NLGN4X: variants seen among roughly 807,000 people sequenced by gnomAD.
NLGN4X encodes the protein neuroligin 4 X-linked.
In NLGN4X, 3 loss-of-function variants were observed where a neutral mutation model predicts 40.3. That is an observed-to-expected ratio of 0.07 (90% confidence interval 0.03 to 0.19). The LOEUF (loss-of-function observed/expected upper bound fraction) is 0.19, where lower values mean the gene tolerates loss of function less well. Among genes scored for constraint, NLGN4X ranks in the 10% least tolerant of loss-of-function variants. The pLI, the probability that NLGN4X is intolerant of heterozygous loss-of-function variation, is 1.00. For missense variants in NLGN4X, 382 were observed against 708.3 expected, an observed-to-expected ratio of 0.54 and a Z score of 5.23; for synonymous variants, 270 against 306.8, an observed-to-expected ratio of 0.88 and a Z score of 1.25.
chrX:6,160,538 T>C (rs2040363073), intron 1 of NLGN4X, among the ~76,000 whole-genome samples: 1 of 109,492 alleles, frequency 9.1e-6, no homozygotes, highest in Non-Finnish European at 1.9e-5. Context: ...AAAATAATTT[T>C]TTTTTTTTTT....
At chrX:5,905,854 G>T (rs1225203215) in intron 4 of NLGN4X, among the ~76,000 whole-genome samples, 1 of 111,162 alleles carries the variant, frequency 9.0e-6, no homozygotes, top group Non-Finnish European at 1.9e-5. Flanking sequence ...ACGGGGTTTC[G>T]CCATGTTGTT....
intron 1 of NLGN4X, among the ~76,000 whole-genome samples, chrX:6,223,382 C>G (rs779296004): frequency 1.8e-5 from 2 of 111,509 alleles, no homozygotes; most frequent in Non-Finnish European, 3.8e-5. Flanking sequence ...ACCTTCCACT[C>G]CCGTAATGAT....
chrX:5,963,075 G>A (rs747144355), intron 3 of NLGN4X, among the ~76,000 whole-genome samples: 1 of 109,753 alleles, frequency 9.1e-6, no homozygotes, highest in East Asian at 2.9e-4. Flanking sequence ...ATAAGTAGAA[G>A]CCAGAAAAGT....
chrX:6,082,956 CT>C (rs1184184483), intron 2 of NLGN4X, among the ~76,000 whole-genome samples: 275 of 45,955 alleles, frequency 6.0e-3, no homozygotes, highest in African/African-American at 0.019. Flanking sequence ...GCGTTTTTTT[CT>C]TTTTTTTTTT....
At chrX:5,994,200 G>T (rs1315416168) in intron 3 of NLGN4X, among the ~76,000 whole-genome samples, 1 of 111,985 alleles carries the variant, frequency 8.9e-6, no homozygotes, top group Non-Finnish European at 1.9e-5. Context: ...ATCCTTGAGT[G>T]GCCAGAATTC....
Position 6,204,510 on chromosome X carries a change from A to G in NLGN4X, c.-306+24031T>C, listed in dbSNP as rs759642897. Among the ~76,000 whole-genome samples the G allele has an allele frequency of 7.4e-4, 83 of 112,261 alleles. No individual in the cohort carries two copies. In the Admixed American group the frequency reaches 7.9e-3, roughly 11 times the overall value. On this transcript the variant is annotated intron_variant, in intron 1 of 5. Transcript: ENST00000381095. ...AGAGCACAACTGGATGACAAAAAGCAAATGATGAGACCCAGAGCTGTGGAT... is the reference window on the plus strand; with the variant it reads ...AGAGCACAACTGGATGACAAAAAGCGAATGATGAGACCCAGAGCTGTGGAT...
rs929921192 is a variant in NLGN4X, at chrX:6,157,213, T to C, written c.-305-5442A>G. 2.7e-5 allele frequency among the ~76,000 whole-genome samples: 3 copies of C among 111,700 alleles called. No homozygotes were observed. In the South Asian group the frequency reaches 1.1e-3, roughly 42 times the overall value. On this transcript the variant is annotated intron_variant, in intron 1 of 5. Coordinates refer to ENST00000381095, the MANE Select transcript of NLGN4X (RefSeq NM_181332.3). ...ATCAACTCCATCACCTCCCTCACCA[T>C]TTCTGTTCTTCCACTGAAGTTTAAT...
chrX:6,052,314 GTT>G (rs1490686079), intron 2 of NLGN4X, among the ~76,000 whole-genome samples: 1 of 112,176 alleles, frequency 8.9e-6, no homozygotes, highest in African/African-American at 3.2e-5. Context: ...AAGCCACTGA[GTT>G]TGCAGTAATT....
intron 3 of NLGN4X, among the ~76,000 whole-genome samples, chrX:5,946,796 C>G (rs1397961861): frequency 9.0e-6 from 1 of 111,010 alleles, no homozygotes; most frequent in East Asian, 2.8e-4. Flanking sequence ...AAGCCAAGTA[C>G]TCAATAGTTA....
chrX:6,002,447 A>C (rs1403173872), intron 3 of NLGN4X, among the ~76,000 whole-genome samples: 2 of 112,472 alleles, frequency 1.8e-5, no homozygotes, highest in Non-Finnish European at 3.7e-5. Context: ...TGAGTACTTC[A>C]TTCTCAGCAT....
chrX:5,921,002 G>A (rs985951588), intron 3 of NLGN4X, among the ~76,000 whole-genome samples: 6 of 109,882 alleles, frequency 5.5e-5, no homozygotes, highest in African/African-American at 1.3e-4. Context: ...TAAGAAAAAC[G>A]CTAATAGCAT....
At chrX:6,192,040 C>T (rs1922588378) in intron 1 of NLGN4X, among the ~76,000 whole-genome samples, 1 of 111,792 alleles carries the variant, frequency 8.9e-6, no homozygotes, top group Non-Finnish European at 1.9e-5. Context: ...ATGGGACTCT[C>T]ACCCAATGCA....
chrX:6,066,299 T>C (rs1457096003), intron 2 of NLGN4X, among the ~76,000 whole-genome samples: 1 of 112,320 alleles, frequency 8.9e-6, no homozygotes, highest in Non-Finnish European at 1.9e-5. Context: ...GTTAGCATGT[T>C]ACCTCATCTT....
At chrX:6,086,764 T>A (rs980899101) in intron 2 of NLGN4X, among the ~76,000 whole-genome samples, 1 of 111,150 alleles carries the variant, frequency 9.0e-6, no homozygotes, top group Non-Finnish European at 1.9e-5. Context: ...TCTGAGTAGC[T>A]GAGACCACAG....
intron 2 of NLGN4X, among the ~76,000 whole-genome samples, chrX:6,116,978 CCTG>C (rs1439052299): frequency 9.0e-6 from 1 of 111,394 alleles, no homozygotes; most frequent in Non-Finnish European, 1.9e-5. Context: ...TGCTTTTGGT[CCTG>C]CTTTTTCCAC....
intron 2 of NLGN4X, among the ~76,000 whole-genome samples, chrX:6,092,982 C>T (rs1400682494): frequency 9.0e-6 from 1 of 110,579 alleles, no homozygotes; most frequent in Non-Finnish European, 1.9e-5. Context: ...GAAAGGTGAT[C>T]CCTAAGATCT....
At chrX:5,932,515 T>C (rs2033583970) in intron 3 of NLGN4X, among the ~76,000 whole-genome samples, 2 of 111,599 alleles carry the variant, frequency 1.8e-5, no homozygotes, top group African/African-American at 3.3e-5. Context: ...GAAATTACAA[T>C]AGACAAAATA....
At position 5,963,114 on chromosome X, in the gene NLGN4X, G is replaced by T. The variant is rs1390630060; in HGVS notation, c.626-53875C>A. ...GAAGTGTATGCTAGACACAGCCTAC[G>T]TTGCCATGAATAGACCTTTGAAGGT... On this transcript the variant is annotated intron_variant, in intron 3 of 5. Coordinates refer to ENST00000381095, the MANE Select transcript of NLGN4X (RefSeq NM_181332.3). Among the ~76,000 whole-genome samples the T allele has an allele frequency of 4.5e-5, 5 of 110,157 alleles. No individual in the cohort carries two copies. The East Asian group carries it at 1.4e-3, about 32-fold the overall frequency.
chrX:6,012,226 G>A (rs756039855), intron 3 of NLGN4X, among the ~76,000 whole-genome samples: 4 of 112,670 alleles, frequency 3.6e-5, no homozygotes, highest in South Asian at 3.6e-4. Context: ...ATAGCTTTGC[G>A]TATTGCTGGA....
Sources: allele counts gnomAD v4.1 joint callset (sites outside exome capture counted in the v4.1 genomes callset), GRCh38; gene constraint gnomAD v4.1.1; transcripts MANE v1.5; gene names NCBI Gene and HGNC (gene_info 2026-07-23, HGNC 2026-07-21).